Variants in REPS2 observed in about 807,000 individuals in gnomAD.
REPS2 encodes the protein RALBP1 associated Eps domain containing 2.
REPS2 carries 23 observed loss-of-function variants against 53.6 expected under a neutral mutation model. That is an observed-to-expected ratio of 0.43 (90% confidence interval 0.31 to 0.61). The LOEUF (loss-of-function observed/expected upper bound fraction) is 0.61, where lower values mean the gene tolerates loss of function less well. REPS2 is among the 20% of genes least tolerant of loss of function. REPS2 has a pLI of 0.11. For synonymous variants in REPS2, 238 were observed against 218.6 expected (o/e 1.09, Z -0.78); for missense variants, 446 against 534.9 (o/e 0.83, Z 1.64).
At chrX:17,054,566 C>G (rs904366329) in intron 7 of REPS2, among the ~76,000 whole-genome samples, 6 of 111,846 alleles carry the variant, frequency 5.4e-5, no homozygotes, top group Non-Finnish European at 7.5e-5. Flanking sequence ...TAAGACACAC[C>G]AACTAGGGAA....
chrX:17,032,578 T>C (rs1339050806), intron 5 of REPS2, among the ~76,000 whole-genome samples: 1 of 111,922 alleles, frequency 8.9e-6, no homozygotes, highest in African/African-American at 3.3e-5. Context: ...GGATTAATGT[T>C]TACTGGGCAT....
rs35141257 is a variant in REPS2 at position 17,119,868 on chromosome X, C to CTTTTTTTTTTTTTTT, written c.1579-13944_1579-13930dup. Among the ~76,000 whole-genome samples the CTTTTTTTTTTTTTTT allele has an allele frequency of 6.2e-4, 25 of 40,509 alleles. 4 individuals are homozygous for CTTTTTTTTTTTTTTT. The highest frequency in any genetic ancestry group is 2.9e-3 in the African/African-American group (24 of 8,396). The allele number at this position is 40,509 out of a possible 115,157, so 35.2% of individuals were successfully genotyped here. A position where few individuals can be genotyped will look rare whatever the true frequency, so the allele number is the denominator to read the frequency against. ...TCTGCTGTCCCCTATCGCACTGTGA[C>CTTTTTTTTTTTTTTT]TTTTTTTTTTTTTTTTTTTTTTTTT... On this transcript the variant is annotated intron_variant, in intron 14 of 17. Coordinates refer to ENST00000357277, the MANE Select transcript of REPS2 (RefSeq NM_004726.3).
At chrX:17,115,957 T>C (rs1252773902) in intron 14 of REPS2, among the ~76,000 whole-genome samples, 1 of 111,630 alleles carries the variant, frequency 9.0e-6, no homozygotes, top group Non-Finnish European at 1.9e-5. Context: ...AACAATCTGA[T>C]CTCTCTTGCT....
At position 16,961,230 on chromosome X, in the gene REPS2, A is replaced by G. The variant is rs1010545403; in HGVS notation, c.273+14096A>G. On this transcript the variant is annotated intron_variant, in intron 1 of 17. Coordinates refer to ENST00000357277, the MANE Select transcript of REPS2 (RefSeq NM_004726.3). ...ATAAAGCAGTAGAAATTATGATAGT[A>G]TATCCTGGCATAAAAACAGACATAT... 7.1e-5 allele frequency among the ~76,000 whole-genome samples: 8 copies of G among 112,169 alleles called. No individual in the cohort carries two copies. In the Admixed American group the frequency reaches 7.6e-4, roughly 11 times the overall value.
chrX:17,122,627 T>C (rs1428864173), intron 14 of REPS2, among the ~76,000 whole-genome samples: 4 of 112,147 alleles, frequency 3.6e-5, no homozygotes, highest in East Asian at 2.8e-4. Context: ...TTTTACGAAG[T>C]GTTTGTACTG....
intron 4 of REPS2, among the ~76,000 whole-genome samples, chrX:17,028,686 A>G (rs907591314): frequency 3.5e-5 from 4 of 112,739 alleles, no homozygotes; most frequent in African/African-American, 1.3e-4. Flanking sequence ...AGGTCATAAC[A>G]GGCTGCTCTG....
chrX:17,109,923 A>C (rs2148075267), intron 14 of REPS2, among the ~76,000 whole-genome samples: 1 of 112,465 alleles, frequency 8.9e-6, no homozygotes, highest in South Asian at 3.7e-4. Flanking sequence ...CTTAAACTTA[A>C]ATGGCAGTTC....
intron 5 of REPS2, 150 bp downstream of exon 5, chrX:17,029,773 G>T (rs1371448773): frequency 1.9e-5 from 8 of 430,932 alleles, no homozygotes; most frequent in Non-Finnish European, 3.2e-5. Flanking sequence ...TTGGTTGCTT[G>T]TATAAATTAC....
the REPS2 span, among the ~76,000 whole-genome samples, chrX:17,169,226 A>G: frequency 1.8e-5 from 2 of 112,271 alleles, no homozygotes; most frequent in Non-Finnish European, 3.8e-5. Flanking sequence ...TTAAACTACT[A>G]AGTTTTGGAA....
intron 1 of REPS2, among the ~76,000 whole-genome samples, chrX:16,953,568 G>C (rs942724905): frequency 1.8e-5 from 2 of 111,952 alleles, no homozygotes; most frequent in African/African-American, 6.5e-5. Flanking sequence ...CACTAAAAAA[G>C]ATATTATTTT....
chrX:16,987,250 T>G (rs1417468712), intron 1 of REPS2, among the ~76,000 whole-genome samples: 3 of 110,643 alleles, frequency 2.7e-5, no homozygotes, highest in Non-Finnish European at 5.7e-5. Context: ...ATAAATACTT[T>G]AAGGAGGGAT....
At chrX:17,195,327 A>G in the REPS2 span, among the ~76,000 whole-genome samples, 1 of 112,452 alleles carries the variant, frequency 8.9e-6, no homozygotes, top group African/African-American at 3.2e-5. Flanking sequence ...AAGCCCTAGA[A>G]TAATGACTTG....
At chrX:17,081,006 C>A (rs901444860) in intron 13 of REPS2, among the ~76,000 whole-genome samples, 2 of 111,479 alleles carry the variant, frequency 1.8e-5, no homozygotes, top group Non-Finnish European at 3.8e-5. Context: ...ATATCCCCTC[C>A]TTCTGCCAAC....
intron 13 of REPS2, among the ~76,000 whole-genome samples, chrX:17,098,126 A>C (rs186697263): frequency 9.0e-6 from 1 of 111,722 alleles, no homozygotes; most frequent in East Asian, 2.8e-4. Context: ...AGATAGTTGC[A>C]AAAATCCTAA....
At chrX:17,070,067 A>G in intron 11 of REPS2, 74 bp downstream of exon 11, 1 of 459,662 alleles carries the variant, frequency 2.2e-6, no homozygotes, top group Non-Finnish European at 3.5e-6. Context: ...CAGTGAGTAG[A>G]AGATTGATAC....
In REPS2 at chrX:17,150,578, G is replaced by A. The variant is rs1486757537; in HGVS notation, c.*3097G>A. The A allele has an allele frequency of 1.8e-5, 2 of 112,969 alleles. No homozygotes were observed. Among genetic ancestry groups the A allele is most frequent in the Non-Finnish European group, 3.7e-5 (2 of 53,408 alleles). The allele number at this position is 112,969 out of a possible 1,213,427, so 9.3% of individuals were successfully genotyped here. A position where few individuals can be genotyped will look rare whatever the true frequency, so the allele number is the denominator to read the frequency against. On this transcript the variant is annotated 3_prime_UTR_variant, in exon 18 of 18. Coordinates refer to ENST00000357277, the MANE Select transcript of REPS2 (RefSeq NM_004726.3). ...TTGCCTTAATTGGAAGGATCTAACT[G>A]CTTTACAAATATTAAACAAGTGCTT...
chrX:17,087,161 A>G (rs138813007), intron 13 of REPS2, among the ~76,000 whole-genome samples: 1,861 of 112,270 alleles, frequency 0.017, 22 homozygotes, highest in Non-Finnish European at 0.025. Context: ...GGTGTCTACT[A>G]TAGTAGCCTC....
chrX:17,193,972 GA>G, the REPS2 span, among the ~76,000 whole-genome samples: 1 of 111,546 alleles, frequency 9.0e-6, no homozygotes, highest in African/African-American at 3.3e-5. Context: ...GAAAACTGGG[GA>G]TGCATCGACA....
At chrX:17,162,324 G>A in the REPS2 span, among the ~76,000 whole-genome samples, 1 of 112,713 alleles carries the variant, frequency 8.9e-6, no homozygotes, top group East Asian at 2.8e-4. Context: ...ATGGCTGCCT[G>A]AGGCAGTGGT....
Sources: allele counts gnomAD v4.1 joint callset (sites outside exome capture counted in the v4.1 genomes callset), GRCh38; gene constraint gnomAD v4.1.1; transcripts MANE v1.5; gene names NCBI Gene and HGNC (gene_info 2026-07-23, HGNC 2026-07-21).